Variants in TJP2 observed in about 807,000 individuals in gnomAD.
TJP2 encodes Friedreich ataxia region gene X104 (tight junction protein ZO-2).
TJP2 carries 91 observed loss-of-function variants against 133.1 expected under a neutral mutation model. That is an observed-to-expected ratio of 0.68 (90% CI 0.58 to 0.81). The LOEUF (loss-of-function observed/expected upper bound fraction) is 0.81. Among genes scored for constraint, TJP2 ranks in the 40% least tolerant of loss-of-function variants. The probability of loss-of-function intolerance (pLI) is 0.00; values close to 1 mark genes in which losing one functional copy is unlikely to be tolerated. For synonymous variants in TJP2, 592 were observed against 583.4 expected (o/e 1.01, Z -0.21); for missense variants, 1,541 against 1,565.6 (o/e 0.98, Z 0.26).
intron 19 of TJP2, chr9:69,249,153 A>G (rs1012961098): frequency 2.0e-6 from 2 of 985,290 alleles, no homozygotes; most frequent in African/African-American, 3.5e-5. Flanking sequence ...GTTCTTAAAA[A>G]ATTGTGCTTT....
At chr9:69,194,106 A>T (rs1826387761) in intron 1 of TJP2, among the ~76,000 whole-genome samples, 1 of 152,210 alleles carries the variant, frequency 6.6e-6, no homozygotes, top group Non-Finnish European at 1.5e-5. Context: ...TTTTCAAAGT[A>T]TCAATTTACT....
At chr9:69,178,493 A>G (rs540628695) in intron 1 of TJP2, among the ~76,000 whole-genome samples, 6 of 152,332 alleles carry the variant, frequency 3.9e-5, no homozygotes, top group Middle Eastern at 3.4e-3. Context: ...TGTGCATAAT[A>G]CTGCTTAAAA....
Position 69,227,778 on chromosome 9 carries a change from A to G in TJP2, c.1224A>G (p.Ile408Met). The G allele has an allele frequency of 6.2e-7, 1 of 1,606,016 alleles. No homozygotes were observed. The highest frequency in any genetic ancestry group is 8.5e-7 in the Non-Finnish European group (1 of 1,173,192). ...TTTTGAAACTAGATATTTCAGAAAT[A>G]GAGTCAAACCGATCATTTTCTCCAG... is the stretch of plus-strand genomic sequence containing the variant. The part of the protein sequence containing the change: ...SDSEIEDISE[I>M]ESNRSFSPEE... Residue 408 changes from isoleucine (I) to methionine (M), a missense_variant, in exon 8 of 23, where the codon ATA becomes ATG. By Grantham distance (10) the Ile-to-Met change is conservative. Coordinates refer to ENST00000377245, the MANE Select transcript of TJP2 (RefSeq NM_004817.4).
Position 69,236,215 on chromosome 9 carries a change from A to G in TJP2, c.1968A>G (p.Lys656=). 1 of 1,614,088 alleles carries G rather than the reference A, an allele frequency of 6.2e-7. No individual in the cohort carries two copies. The highest frequency in any genetic ancestry group is 8.5e-7 in the Non-Finnish European group (1 of 1,180,036). Residue 656 remains lysine (K), a synonymous_variant, in exon 13 of 23, where the codon AAA becomes AAG. Transcript: ENST00000377245. ...LAVRIGNELE[K]GLIPNKSRAE... ...TGAGGATTGGGAACGAGTTGGAGAAAGGCTTAATCCCCAACAAGAGCAGGT... is the reference window on the plus strand; with the variant it reads ...TGAGGATTGGGAACGAGTTGGAGAAGGGCTTAATCCCCAACAAGAGCAGGT...
chr9:69,155,428 C>T (rs1280601762), intron 2 of TJP2, among the ~76,000 whole-genome samples: 1 of 152,204 alleles, frequency 6.6e-6, no homozygotes, highest in Non-Finnish European at 1.5e-5. Context: ...AGACCCAGAG[C>T]AGTGGCACAT....
intron 1 of TJP2, among the ~76,000 whole-genome samples, chr9:69,204,003 A>T (rs1827202841): frequency 6.6e-6 from 1 of 152,226 alleles, no homozygotes; most frequent in African/African-American, 2.4e-5. Flanking sequence ...GGAAGGACAC[A>T]CATTTCCCAG....
chr9:69,192,133 G>A (rs547724151), intron 1 of TJP2, among the ~76,000 whole-genome samples: 1 of 152,064 alleles, frequency 6.6e-6, no homozygotes, highest in Admixed American at 6.6e-5. Context: ...TCATTTGAGT[G>A]GTACTTTACA....
At chr9:69,204,873 A>G in intron 1 of TJP2, 1 of 1,177,868 alleles carries the variant, frequency 8.5e-7, no homozygotes, top group Non-Finnish European at 1.1e-6. Flanking sequence ...TGCTTAAAAG[A>G]AATATCTACT....
chr9:69,152,853 C>T (rs1215717129), intron 2 of TJP2, among the ~76,000 whole-genome samples: 27 of 72,772 alleles, frequency 3.7e-4, no homozygotes, highest in Non-Finnish European at 5.8e-4. Context: ...TTTTTTGAGA[C>T]GGAGTCTCGC....
upstream of TJP2, among the ~76,000 whole-genome samples, chr9:69,169,369 T>TGGGG (rs369706065): frequency 8.3e-6 from 1 of 120,080 alleles, no homozygotes; most frequent in Admixed American, 8.2e-5. Flanking sequence ...TTTTTTTTTT[T>TGGGG]GGGGGGGGGA....
intron 2 of TJP2, among the ~76,000 whole-genome samples, chr9:69,157,558 C>T (rs975670617): frequency 1.4e-4 from 22 of 151,924 alleles, no homozygotes; most frequent in African/African-American, 5.1e-4. Context: ...CTCCACCTCC[C>T]GGGTTCAAGC....
chr9:69,148,418 A>C (rs1253108434), intron 1 of TJP2, among the ~76,000 whole-genome samples: 1 of 140,524 alleles, frequency 7.1e-6, no homozygotes, highest in East Asian at 2.1e-4. Flanking sequence ...GTCGCCCAGG[A>C]GGCTGGAGTA....
intron 13 of TJP2, among the ~76,000 whole-genome samples, 160 bp from the exon 14 acceptor site, chr9:69,236,789 G>A (rs752290394): frequency 1.1e-4 from 17 of 152,132 alleles, no homozygotes; most frequent in Admixed American, 2.6e-4. Flanking sequence ...CTCCCATTTG[G>A]AAGTGAAGGT....
chr9:69,210,542 TG>T lies in TJP2; in HGVS notation c.61-2002del, dbSNP rs1382065021. On this transcript the variant is annotated intron_variant, in intron 1 of 22. Coordinates refer to ENST00000377245, the MANE Select transcript of TJP2 (RefSeq NM_004817.4). ...TCACAGTGAACAGACTTTAAGTAATTGGGGAGTTTTACATAATTTAGATAAT... is the reference window on the plus strand; with the variant it reads ...TCACAGTGAACAGACTTTAAGTAATTGGGAGTTTTACATAATTTAGATAAT... Among the ~76,000 whole-genome samples, 4 of 152,048 alleles carry T rather than the reference TG, an allele frequency of 2.6e-5. No homozygotes were observed. The East Asian group carries it at 7.7e-4, about 29-fold the overall frequency.
Position 69,225,355 on chromosome 9 carries a change from C to T in TJP2, c.1004C>T (p.Thr335Met), listed in dbSNP as rs548602675. The stretch of plus-strand genomic sequence containing the variant: ...ATCTTCGTAAAGGAAATGACCCGAA[C>T]GGGTCTGGCAACTAAAGATGGCAAC... Reference protein sequence around the residue: ...SQIFVKEMTRTGLATKDGNLH... With the variant: ...SQIFVKEMTRMGLATKDGNLH... The change falls in exon 6 of 23, where the codon ACG becomes ATG. Residue 335 changes from threonine to methionine, a missense_variant. Thr to Met is a moderately conservative substitution (Grantham distance 81). Coordinates refer to ENST00000377245, the MANE Select transcript of TJP2 (RefSeq NM_004817.4). 1.5e-5 allele frequency: 25 copies of T among 1,613,888 alleles called. No individual in the cohort carries two copies. The highest frequency in any genetic ancestry group is 8.0e-5 in the African/African-American group (6 of 75,020).
intron 1 of TJP2, among the ~76,000 whole-genome samples, chr9:69,200,236 A>T (rs1340325042): frequency 2.6e-5 from 4 of 152,064 alleles, no homozygotes; most frequent in Non-Finnish European, 5.9e-5. Context: ...TCTATGCAGA[A>T]TGCCCACCCA....
rs562768174 is a variant in TJP2, at chr9:69,240,532, A to G, written c.2566+385A>G. The stretch of plus-strand genomic sequence containing the variant: ...TACAAAGCGAAAGGAACTTGGTTTC[A>G]TTATTTAAAAATATTCCTGTCCAGC... On this transcript the variant is annotated intron_variant, in intron 17 of 22. Coordinates refer to ENST00000377245, the MANE Select transcript of TJP2 (RefSeq NM_004817.4). 1.3e-4 allele frequency among the ~76,000 whole-genome samples: 20 copies of G among 152,332 alleles called. No individual in the cohort carries two copies. The South Asian group carries it at 3.7e-3, about 28-fold the overall frequency.
rs1429079641 is a variant in TJP2 at position 69,164,177 on chromosome 9, G to A, written c.-10+12406G>A. 5.3e-5 allele frequency among the ~76,000 whole-genome samples: 8 copies of A among 152,274 alleles called. No individual in the cohort carries two copies. In the East Asian group the frequency reaches 9.6e-4, roughly 18 times the overall value. ...CATGCAAATTTGCATGGCTACCCTG[G>A]AAAGCTATTTGCTTGCAGGTTTTTT... On this transcript the variant is annotated intron_variant, in intron 2 of 5. Transcript: ENST00000423935.
intron 2 of TJP2, among the ~76,000 whole-genome samples, chr9:69,213,824 A>G (rs2133220601): frequency 6.6e-6 from 1 of 152,246 alleles, no homozygotes; most frequent in East Asian, 1.9e-4. Flanking sequence ...GGCATAGAGG[A>G]TGGAGCTGCC....
Sources: allele counts gnomAD v4.1 joint callset (sites outside exome capture counted in the v4.1 genomes callset), GRCh38; gene constraint gnomAD v4.1.1; transcripts MANE v1.5; gene names NCBI Gene and HGNC (gene_info 2026-07-23, HGNC 2026-07-21).